Variants in SLC35F1 observed in about 807,000 individuals in gnomAD.
SLC35F1 encodes the protein chromosome 6 open reading frame 169.
SLC35F1 carries 14 observed loss-of-function variants against 48.7 expected under a neutral mutation model. The observed-to-expected ratio is 0.29, with a 90% CI of 0.19 to 0.45. The LOEUF (loss-of-function observed/expected upper bound fraction) is 0.45. SLC35F1 is among the 20% of genes least tolerant of loss of function. The pLI is 1.00. For synonymous variants in SLC35F1, 190 were observed against 202.2 expected (o/e 0.94, Z 0.51); for missense variants, 404 against 500.0 (o/e 0.81, Z 1.83).
chr6:118,314,293 A>T lies in SLC35F1; in HGVS notation c.*41A>T. ...GCCAACTGAGGCCAACTCATTGGCC[A>T]TGTTTTTGCCCATCATCTCTGTATT... On this transcript the variant is annotated 3_prime_UTR_variant, in exon 8 of 8. Transcript: ENST00000360388. 1 of 1,563,670 alleles carries T rather than the reference A, an allele frequency of 6.4e-7. No individual in the cohort carries two copies. The highest frequency in any genetic ancestry group is 8.8e-7 in the Non-Finnish European group (1 of 1,135,032).
At chr6:118,179,522 G>A (rs544667414) in intron 2 of SLC35F1, among the ~76,000 whole-genome samples, 1 of 152,182 alleles carries the variant, frequency 6.6e-6, no homozygotes, top group African/African-American at 2.4e-5. Context: ...TTTGCTCAGT[G>A]GACTGATTCA....
intron 1 of SLC35F1, among the ~76,000 whole-genome samples, chr6:118,073,986 T>A (rs1445203654): frequency 1.3e-5 from 2 of 152,214 alleles, no homozygotes; most frequent in East Asian, 3.8e-4. Context: ...AAGCTGCTTG[T>A]CAAAATTGAA....
At chr6:118,065,689 C>G (rs1029413021) in intron 1 of SLC35F1, among the ~76,000 whole-genome samples, 2 of 152,120 alleles carry the variant, frequency 1.3e-5, no homozygotes, top group African/African-American at 4.8e-5. Context: ...GAAAACTTTT[C>G]AGCTAATTAA....
At chr6:118,091,274 C>T (rs1269110515) in intron 1 of SLC35F1, among the ~76,000 whole-genome samples, 1 of 152,024 alleles carries the variant, frequency 6.6e-6, no homozygotes, top group Non-Finnish European at 1.5e-5. Context: ...TTGGCTGTGT[C>T]CCCACCCAAA....
At chr6:118,015,836 C>A (rs140947949) in intron 1 of SLC35F1, among the ~76,000 whole-genome samples, 2,568 of 152,244 alleles carry the variant, frequency 0.017, 32 homozygotes, top group Middle Eastern at 0.044. Flanking sequence ...CTTTACCAGA[C>A]TAAAAGCTCC....
chr6:117,994,693 T>C (rs1776962242), intron 1 of SLC35F1, among the ~76,000 whole-genome samples: 1 of 152,204 alleles, frequency 6.6e-6, no homozygotes, highest in African/African-American at 2.4e-5. Context: ...GCTTCATCTG[T>C]GAAAAAATGT....
chr6:118,029,823 A>G (rs779859132), intron 1 of SLC35F1, among the ~76,000 whole-genome samples: 10 of 152,304 alleles, frequency 6.6e-5, no homozygotes, highest in Non-Finnish European at 1.5e-4. Context: ...CACTACGCTA[A>G]TGTGAATTAC....
At chr6:117,982,331 G>A (rs946713474) in intron 1 of SLC35F1, among the ~76,000 whole-genome samples, 3 of 152,154 alleles carry the variant, frequency 2.0e-5, no homozygotes, top group East Asian at 1.9e-4. Context: ...ATTGCAGATG[G>A]TATGAAAGGA....
At chr6:117,956,664 T>A (rs187845260) in intron 1 of SLC35F1, among the ~76,000 whole-genome samples, 39 of 152,306 alleles carry the variant, frequency 2.6e-4, no homozygotes. Flanking sequence ...ATAGGAGACA[T>A]TGCAGAGGCC....
chr6:118,019,362 A>G (rs1582622267), intron 1 of SLC35F1, among the ~76,000 whole-genome samples: 1 of 152,244 alleles, frequency 6.6e-6, no homozygotes, highest in East Asian at 1.9e-4. Flanking sequence ...GTGTGAATAA[A>G]CAGTACTAAG....
chr6:118,259,132 TAGAA>T (rs1254909574), intron 3 of SLC35F1, among the ~76,000 whole-genome samples: 6 of 151,798 alleles, frequency 4.0e-5, no homozygotes, highest in Admixed American at 6.6e-5. Context: ...AATACTTTAA[TAGAA>T]AGAAAAAGTT....
intron 1 of SLC35F1, among the ~76,000 whole-genome samples, chr6:118,046,452 C>T (rs111456612): frequency 6.6e-6 from 1 of 152,142 alleles, no homozygotes; most frequent in East Asian, 1.9e-4. Context: ...TTACCGAGTG[C>T]TCTTGCAAAG....
intron 1 of SLC35F1, among the ~76,000 whole-genome samples, chr6:118,058,574 A>G (rs1374013613): frequency 6.6e-6 from 1 of 152,192 alleles, no homozygotes; most frequent in Non-Finnish European, 1.5e-5. Flanking sequence ...AGCTCTTAGA[A>G]CTTTCCAAAG....
chr6:118,033,603 A>G (rs1772083950), intron 1 of SLC35F1, among the ~76,000 whole-genome samples: 1 of 119,964 alleles, frequency 8.3e-6, no homozygotes, highest in Non-Finnish European at 1.7e-5. Flanking sequence ...ATTTGTATAC[A>G]TTCACACTAG....
chr6:118,185,872 A>G (rs1774649264), intron 2 of SLC35F1, among the ~76,000 whole-genome samples: 1 of 152,130 alleles, frequency 6.6e-6, no homozygotes, highest in Non-Finnish European at 1.5e-5. Context: ...TCTGGCACAT[A>G]TTAGGACTTG....
At chr6:117,935,476 G>A (rs1360084242) in intron 1 of SLC35F1, among the ~76,000 whole-genome samples, 1 of 152,168 alleles carries the variant, frequency 6.6e-6, no homozygotes, top group Non-Finnish European at 1.5e-5. Context: ...GTTGAAGACA[G>A]CTTATTTAAT....
intron 3 of SLC35F1, among the ~76,000 whole-genome samples, chr6:118,235,855 C>A (rs1433847528): frequency 6.6e-6 from 1 of 151,996 alleles, no homozygotes; most frequent in Admixed American, 6.6e-5. Flanking sequence ...ATTTATATGT[C>A]TTAATAATCC....
chr6:117,933,401 C>T (rs556949700), intron 1 of SLC35F1, among the ~76,000 whole-genome samples: 16 of 152,230 alleles, frequency 1.1e-4, no homozygotes, highest in African/African-American at 3.9e-4. Flanking sequence ...TTCTTTTAAG[C>T]ATTTTTATAA....
intron 7 of SLC35F1, among the ~76,000 whole-genome samples, chr6:118,295,741 T>A (rs1776175659): frequency 6.6e-6 from 1 of 152,204 alleles, no homozygotes; most frequent in Non-Finnish European, 1.5e-5. Flanking sequence ...ATGTTAAGCT[T>A]ATAGTGCCCA....
Sources: allele counts gnomAD v4.1 joint callset (sites outside exome capture counted in the v4.1 genomes callset), GRCh38; gene constraint gnomAD v4.1.1; transcripts MANE v1.5; gene names NCBI Gene and HGNC (gene_info 2026-07-23, HGNC 2026-07-21).